PJA2: variants seen among roughly 807,000 people sequenced by gnomAD.
PJA2 encodes the protein E3 ubiquitin-protein ligase Praja-2.
Under a neutral mutation model 69.3 loss-of-function variants are expected in PJA2, and 25 were observed. That is an observed-to-expected ratio of 0.36 (90% CI 0.26 to 0.50). The LOEUF (loss-of-function observed/expected upper bound fraction) is 0.50, where lower values mean the gene tolerates loss of function less well. PJA2 is among the 20% of genes least tolerant of loss of function. The pLI is 0.96. For missense variants in PJA2, 809 were observed against 830.2 expected, an observed-to-expected ratio of 0.97 and a Z score of 0.31; for synonymous variants, 308 against 277.8, an observed-to-expected ratio of 1.11 and a Z score of -1.08.
intron 4 of PJA2, among the ~76,000 whole-genome samples, chr5:109,370,646 T>G (rs1762661423): frequency 6.6e-6 from 1 of 152,172 alleles, no homozygotes; most frequent in Non-Finnish European, 1.5e-5. Context: ...TATAAACAAT[T>G]TCTAGACTTA....
Position 109,337,149 on chromosome 5 carries a change from A to T in PJA2, c.*82T>A. The stretch of plus-strand genomic sequence containing the variant: ...ATATATAGCATTTTTAAATATATTT[A>T]TATATAATTATTTGCACATGAAATT... On this transcript the variant is annotated 3_prime_UTR_variant, in exon 10 of 10. Transcript: ENST00000361189. 1 of 1,292,724 alleles carries T rather than the reference A, an allele frequency of 7.7e-7. No individual in the cohort carries two copies. The highest frequency in any genetic ancestry group is 1.1e-6 in the Non-Finnish European group (1 of 950,778). 80.1% of individuals were successfully genotyped at this position (1,292,724 alleles called of 1,614,324 possible).
At chr5:109,359,939 G>C (rs919534477) in intron 6 of PJA2, among the ~76,000 whole-genome samples, 1 of 152,168 alleles carries the variant, frequency 6.6e-6, no homozygotes, top group East Asian at 1.9e-4. Context: ...CATCATGCCT[G>C]CAACTTACTC....
At chr5:109,399,277 G>T (rs1298866581) in intron 1 of PJA2, among the ~76,000 whole-genome samples, 1 of 151,800 alleles carries the variant, frequency 6.6e-6, no homozygotes, top group African/African-American at 2.4e-5. Context: ...AGCATCATTG[G>T]CCCATACCCA....
intron 4 of PJA2, among the ~76,000 whole-genome samples, chr5:109,373,906 C>T (rs1033992491): frequency 1.3e-5 from 2 of 152,062 alleles, no homozygotes. Context: ...TAAAACCAAC[C>T]AAAAGTAATC....
chr5:109,405,680 C>T (rs967998484), intron 1 of PJA2, among the ~76,000 whole-genome samples: 2 of 152,122 alleles, frequency 1.3e-5, no homozygotes, highest in Non-Finnish European at 2.9e-5. Flanking sequence ...ACTACATATA[C>T]ATTTGAAAAG....
chr5:109,379,239 T>C lies in PJA2; in HGVS notation c.248A>G (p.Asp83Gly). ...ACTGGGTAAAGAAGAATCAACTTGA[T>C]CCAAAGGACTGGAACCTTCATAAAA... is the stretch of plus-strand genomic sequence containing the variant. ...KENSSGSSPL[D>G]QVDSSLPSEP... The change falls in exon 4 of 10, where the codon GAT (aspartate) becomes GGT (glycine). Residue 83 changes from aspartate (D) to glycine (G), a missense_variant. By Grantham distance (94) the Asp-to-Gly change is moderately conservative. Around this residue, in one of 4 missense-constraint regions of PJA2, gnomAD observed 700 missense variants for 639.5 expected, o/e 1.09. Coordinates refer to ENST00000361189, the MANE Select transcript of PJA2 (RefSeq NM_014819.5). The C allele has an allele frequency of 1.2e-6, 2 of 1,608,244 alleles. No individual in the cohort carries two copies. The highest frequency in any genetic ancestry group is 8.5e-7 in the Non-Finnish European group (1 of 1,177,710).
At chr5:109,401,547 T>A (rs187908761) in intron 1 of PJA2, among the ~76,000 whole-genome samples, 2 of 152,186 alleles carry the variant, frequency 1.3e-5, no homozygotes, top group African/African-American at 4.8e-5. Context: ...TAAATAAGAA[T>A]CACAGCCAAA....
chr5:109,372,923 A>AAAAAAAAAAAAAAAAAAAAAG (rs1272538036), intron 4 of PJA2, among the ~76,000 whole-genome samples: 6 of 136,782 alleles, frequency 4.4e-5, no homozygotes, highest in African/African-American at 8.3e-5. Flanking sequence ...AAAAAAAAAA[A>AAAAAAAAAAAAAAAAAAAAAG]AAAGAAAGAA....
rs1272538036 is a variant in PJA2 at position 109,372,923 on chromosome 5, A to AAAAAAAAG, written c.1284-4178_1284-4177insCTTTTTTT. Among the ~76,000 whole-genome samples, 16 of 136,786 alleles carry AAAAAAAAG rather than the reference A, an allele frequency of 1.2e-4. 1 individual carries two copies. Among genetic ancestry groups the AAAAAAAAG allele is most frequent in the African/African-American group, 3.6e-4 (13 of 36,046 alleles). The allele number at this position is 136,786 out of a possible 152,430, so 89.7% of individuals were successfully genotyped here. A position where few individuals can be genotyped will look rare whatever the true frequency, so the allele number is the denominator to read the frequency against. ...TCCGTCTCAAAAAAAAAAAAAAAAA[A>AAAAAAAAG]AAAGAAAGAAAGAAAAAAAAATTAG... On this transcript the variant is annotated intron_variant, in intron 4 of 9. Transcript: ENST00000361189.
intron 6 of PJA2, among the ~76,000 whole-genome samples, chr5:109,359,929 C>T (rs755645995): frequency 3.3e-5 from 5 of 151,994 alleles, no homozygotes; most frequent in African/African-American, 7.2e-5. Flanking sequence ...AAGAAAGGGA[C>T]ATCATGCCTG....
Position 109,399,876 on chromosome 5 carries a change from C to A in PJA2, c.-88+9966G>T, listed in dbSNP as rs1324714417. On this transcript the variant is annotated intron_variant, in intron 1 of 9. Coordinates refer to ENST00000361189, the MANE Select transcript of PJA2 (RefSeq NM_014819.5). ...ACAAAGGTAGGAACATGCATCAACT[C>A]ATGAGAAATTTCAGGAGAGATGAAA... 2.0e-5 allele frequency among the ~76,000 whole-genome samples: 3 copies of A among 152,202 alleles called. No homozygotes were observed. In the East Asian group the frequency reaches 5.8e-4, roughly 29 times the overall value.
chr5:109,381,869 A>G (rs1747057333), intron 2 of PJA2, among the ~76,000 whole-genome samples, 166 bp from the exon 3 acceptor site: 1 of 152,228 alleles, frequency 6.6e-6, no homozygotes, highest in Non-Finnish European at 1.5e-5. Context: ...TTCACACACT[A>G]GAAAATTAAA....
intron 9 of PJA2, among the ~76,000 whole-genome samples, chr5:109,342,329 G>A (rs1453207955): frequency 0.085 from 3,882 of 45,684 alleles, no homozygotes; most frequent in Admixed American, 0.12. Flanking sequence ...AGGGAGGTGG[G>A]GGGATCGGCC....
intron 1 of PJA2, among the ~76,000 whole-genome samples, chr5:109,407,617 AC>A (rs1747720821): frequency 6.6e-6 from 1 of 152,140 alleles, no homozygotes; most frequent in Admixed American, 6.5e-5. Context: ...TGAAAAGGAA[AC>A]CACAAAACTG....
intron 6 of PJA2, among the ~76,000 whole-genome samples, chr5:109,358,363 A>G (rs1031185270): frequency 7.2e-5 from 11 of 152,218 alleles, no homozygotes; most frequent in African/African-American, 2.7e-4. Context: ...ACTTTTAGTT[A>G]ATCTATGATT....
chr5:109,368,461 A>G, intron 5 of PJA2, 100 bp downstream of exon 5: 2 of 1,081,674 alleles, frequency 1.8e-6, no homozygotes, highest in Non-Finnish European at 1.3e-6. Flanking sequence ...GGTTCTACAT[A>G]AGGCTTATAA....
chr5:109,341,270 T>C (rs1291467246), intron 9 of PJA2, among the ~76,000 whole-genome samples: 2 of 145,894 alleles, frequency 1.4e-5, no homozygotes, highest in Non-Finnish European at 3.0e-5. Context: ...CTCTGAGATG[T>C]GGGGAGCGCC....
rs182074142 is a variant in PJA2, at chr5:109,352,322, T to A, written c.1764+3593A>T. On this transcript the variant is annotated intron_variant, in intron 7 of 9. Coordinates refer to ENST00000361189, the MANE Select transcript of PJA2 (RefSeq NM_014819.5). ...ACTAAAACATTTTATTCTCAACACTTCTTTTTAAAGTTATCTCCATATTGT... is the reference window on the plus strand; with the variant it reads ...ACTAAAACATTTTATTCTCAACACTACTTTTTAAAGTTATCTCCATATTGT... 1.3e-3 allele frequency among the ~76,000 whole-genome samples: 191 copies of A among 152,314 alleles called. 1 individual carries two copies. Among genetic ancestry groups the A allele is most frequent in the Non-Finnish European group, 2.0e-3 (135 of 68,014 alleles).
chr5:109,398,302 T>C (rs978676119), intron 1 of PJA2, among the ~76,000 whole-genome samples: 2 of 152,166 alleles, frequency 1.3e-5, no homozygotes, highest in African/African-American at 4.8e-5. Flanking sequence ...TTATAAATCA[T>C]GCTGCTATAA....
Sources: allele counts gnomAD v4.1 joint callset (sites outside exome capture counted in the v4.1 genomes callset), GRCh38; gene constraint gnomAD v4.1.1; regional missense constraint gnomAD v4.1.1; transcripts MANE v1.5; gene names NCBI Gene and HGNC (gene_info 2026-07-23, HGNC 2026-07-21).